The following COL10A1 variants were observed in gnomAD, a reference collection of about 807,000 sequenced individuals.
COL10A1 encodes collagen type X alpha 1 chain.
A neutral mutation model predicts 18.2 loss-of-function variants in COL10A1; 10 were observed. That is an observed-to-expected ratio of 0.55 (90% CI 0.34 to 0.93). The LOEUF (loss-of-function observed/expected upper bound fraction) is 0.93. Ranked by LOEUF, COL10A1 falls within the 40% of genes least tolerant of loss-of-function variation. COL10A1 has a pLI of 0.02. For synonymous variants in COL10A1, 330 were observed against 316.6 expected, an observed-to-expected ratio of 1.04 and a Z score of -0.45; for missense variants, 897 against 853.5, an observed-to-expected ratio of 1.05 and a Z score of -0.64.
At chr6:116,173,076 A>G in the COL10A1 span, among the ~76,000 whole-genome samples, 1 of 152,208 alleles carries the variant, frequency 6.6e-6, no homozygotes, top group Admixed American at 6.5e-5. Flanking sequence ...ATGTTCTTCT[A>G]TAACTTTTAA....
the COL10A1 span, among the ~76,000 whole-genome samples, chr6:116,214,638 C>T: frequency 6.6e-6 from 1 of 152,030 alleles, no homozygotes; most frequent in Non-Finnish European, 1.5e-5. Context: ...TGAAAGCATT[C>T]TGGATAATTC....
chr6:116,213,867 T>G, the COL10A1 span, among the ~76,000 whole-genome samples: 1 of 152,044 alleles, frequency 6.6e-6, no homozygotes, highest in South Asian at 2.1e-4. Flanking sequence ...ATTGGGGATT[T>G]TGTGCCAAGC....
chr6:116,200,644 A>AAAAC, the COL10A1 span, among the ~76,000 whole-genome samples: 1 of 152,038 alleles, frequency 6.6e-6, no homozygotes, highest in Non-Finnish European at 1.5e-5. Flanking sequence ...GCTCTGGTAT[A>AAAAC]TAATTCCCTT....
intron 1 of COL10A1, among the ~76,000 whole-genome samples, chr6:116,140,915 C>A (rs10457304): frequency 6.6e-6 from 1 of 152,216 alleles, no homozygotes; most frequent in African/African-American, 2.4e-5. Flanking sequence ...TAATACTGCT[C>A]TGAAACTTCT....
chr6:116,195,679 C>T, the COL10A1 span, among the ~76,000 whole-genome samples: 1 of 151,974 alleles, frequency 6.6e-6, no homozygotes, highest in Non-Finnish European at 1.5e-5. Context: ...GGAAAAGGCA[C>T]ATCTTTAGAA....
Position 116,147,303 on chromosome 6 carries a change from G to A in COL10A1, c.-16+11311C>T, listed in dbSNP as rs143810419. On this transcript the variant is annotated intron_variant, in intron 1 of 1. Transcript: ENST00000418500. ...CTAAAAATACAAAAAGTAGCTGGGC[G>A]TGGTGGCATCTACCTGTAATCCCAG... 4.6e-5 allele frequency among the ~76,000 whole-genome samples: 7 copies of A among 152,010 alleles called. No homozygotes were observed. In the East Asian group the frequency reaches 1.4e-3, roughly 29 times the overall value.
intron 1 of COL10A1, among the ~76,000 whole-genome samples, chr6:116,131,399 T>G (rs1165443519): frequency 1.3e-5 from 2 of 152,210 alleles, no homozygotes; most frequent in Admixed American, 1.3e-4. Context: ...AAAAAATGTA[T>G]TATTCATTTA....
chr6:116,170,729 A>G, the COL10A1 span, among the ~76,000 whole-genome samples: 3 of 152,300 alleles, frequency 2.0e-5, no homozygotes, highest in South Asian at 6.2e-4. Context: ...GCCTTAGCAA[A>G]CTGCTTGCTT....
In COL10A1 at chr6:116,120,535, C is replaced by G. The variant is rs775553455; in HGVS notation, c.1581G>C (p.Lys527Asn). 8.6e-5 allele frequency: 138 copies of G among 1,613,836 alleles called. No homozygotes were observed. Among genetic ancestry groups the G allele is most frequent in the Middle Eastern group, 1.6e-4 (1 of 6,082 alleles). Residue 527 changes from lysine (K) to asparagine (N), a missense_variant, in exon 3 of 3, where the codon AAG becomes AAC. Lys to Asn is a moderately conservative substitution (Grantham distance 94). Coordinates refer to ENST00000651968, the MANE Select transcript of COL10A1 (RefSeq NM_000493.4). Reference protein sequence around the residue: ...GQAVMPEGFIKAGQRPSLSGT... With the variant: ...GQAVMPEGFINAGQRPSLSGT... ...CAGAAAGACTGGGCCTTTGGCCTGC[C>G]TTTATAAAACCCTCAGGCATGACTG...
upstream of COL10A1, among the ~76,000 whole-genome samples, chr6:116,161,811 C>T (rs1341156991): frequency 6.6e-6 from 1 of 152,156 alleles, no homozygotes. Flanking sequence ...TTCTAGATTG[C>T]TTTGGGCAGT....
chr6:116,143,802 A>G (rs1019360552), intron 1 of COL10A1, among the ~76,000 whole-genome samples: 11 of 152,224 alleles, frequency 7.2e-5, no homozygotes, highest in African/African-American at 2.7e-4. Flanking sequence ...ATTTTATTAT[A>G]ATCAAATCAA....
chr6:116,167,403 A>G, the COL10A1 span, among the ~76,000 whole-genome samples: 1,082 of 151,892 alleles, frequency 7.1e-3, 7 homozygotes, highest in Non-Finnish European at 0.013. Context: ...TAGTAGATAC[A>G]GTGTTTCACC....
chr6:116,125,060 G>A (rs1779253013), intron 2 of COL10A1, among the ~76,000 whole-genome samples: 2 of 152,160 alleles, frequency 1.3e-5, no homozygotes, highest in Admixed American at 1.3e-4. Context: ...GCAGTTATTT[G>A]TGCAAAAGCA....
chr6:116,210,803 G>A, the COL10A1 span, among the ~76,000 whole-genome samples: 1 of 151,798 alleles, frequency 6.6e-6, no homozygotes, highest in Non-Finnish European at 1.5e-5. Flanking sequence ...AGAAACACAG[G>A]TAAAAAAAAC....
the COL10A1 span, among the ~76,000 whole-genome samples, chr6:116,206,542 A>G: frequency 6.6e-6 from 1 of 151,994 alleles, no homozygotes; most frequent in Non-Finnish European, 1.5e-5. Context: ...CTACTCTGGT[A>G]CAGAACTTTG....
the COL10A1 span, among the ~76,000 whole-genome samples, chr6:116,175,125 T>A: frequency 6.6e-6 from 1 of 152,182 alleles, no homozygotes; most frequent in East Asian, 1.9e-4. Flanking sequence ...AAAATATGTA[T>A]ATTTTGTATA....
At chr6:116,149,458 G>A (rs1304429992) in intron 1 of COL10A1, among the ~76,000 whole-genome samples, 1 of 152,182 alleles carries the variant, frequency 6.6e-6, no homozygotes, top group Non-Finnish European at 1.5e-5. Context: ...AGTACTAAGA[G>A]AACACTAACC....
At chr6:116,143,444 C>G (rs1779816392) in intron 1 of COL10A1, among the ~76,000 whole-genome samples, 1 of 152,126 alleles carries the variant, frequency 6.6e-6, no homozygotes, top group South Asian at 2.1e-4. Flanking sequence ...GATCTCTTAA[C>G]CTTGTGATCT....
chr6:116,123,176 T>C (rs1582815897), intron 2 of COL10A1, among the ~76,000 whole-genome samples: 1 of 152,314 alleles, frequency 6.6e-6, no homozygotes, highest in African/African-American at 2.4e-5. Context: ...CTTAGTCTGA[T>C]TGGAAATCTG....
Sources: allele counts gnomAD v4.1 joint callset (sites outside exome capture counted in the v4.1 genomes callset), GRCh38; gene constraint gnomAD v4.1.1; transcripts MANE v1.5; gene names NCBI Gene and HGNC (gene_info 2026-07-23, HGNC 2026-07-21).